The following PIK3C2A variants were observed in gnomAD, a reference collection of about 807,000 sequenced individuals.
The protein encoded by PIK3C2A is phosphatidylinositol-4-phosphate 3-kinase catalytic subunit type 2 alpha, also known as phosphatidylinositol 4-phosphate 3-kinase C2 domain-containing subunit alpha.
PIK3C2A carries 97 observed loss-of-function variants against 204.5 expected under a neutral mutation model. The observed-to-expected ratio is 0.47, with a 90% CI of 0.40 to 0.56. The LOEUF is 0.56. PIK3C2A is among the 20% of genes least tolerant of loss of function. PIK3C2A has a pLI of 0.00. For missense variants in PIK3C2A, 1,735 were observed against 1,969.2 expected (o/e 0.88, Z 2.25); for synonymous variants, 653 against 664.4 (o/e 0.98, Z 0.26).
chr11:17,127,757 T>G (rs533162339), intron 13 of PIK3C2A, among the ~76,000 whole-genome samples: 1 of 152,308 alleles, frequency 6.6e-6, no homozygotes, highest in East Asian at 1.9e-4. Context: ...AGTATTAGAT[T>G]AGCAGAAATT....
At chr11:17,140,791 A>G (rs1045712268) in intron 8 of PIK3C2A, among the ~76,000 whole-genome samples, 1 of 152,226 alleles carries the variant, frequency 6.6e-6, no homozygotes, top group African/African-American at 2.4e-5. Context: ...TATAATGGGT[A>G]CATTTTATGA....
intron 13 of PIK3C2A, among the ~76,000 whole-genome samples, chr11:17,124,052 T>G (rs1304742497): frequency 6.6e-6 from 1 of 151,972 alleles, no homozygotes; most frequent in Non-Finnish European, 1.5e-5. Context: ...TATATATATA[T>G]GGGGATGGGC....
chr11:17,088,110 G>C lies in PIK3C2A; in HGVS notation c.*1628C>G, dbSNP rs1848200786. On this transcript the variant is annotated 3_prime_UTR_variant, in exon 33 of 33. Coordinates refer to ENST00000691414, the MANE Select transcript of PIK3C2A (RefSeq NM_002645.4). ...TTTGTCAGTTTTCTCACAGCAACCT[G>C]ATTGGTACAATTTCTATTACCATTT... 1.3e-5 allele frequency: 2 copies of C among 152,188 alleles called. No individual in the cohort carries two copies. Among genetic ancestry groups the C allele is most frequent in the South Asian group, 4.1e-4 (2 of 4,824 alleles). 9.4% of individuals were successfully genotyped at this position (152,188 alleles called of 1,614,324 possible). A position where few individuals can be genotyped will look rare whatever the true frequency, so the allele number is the denominator to read the frequency against.
intron 1 of PIK3C2A, among the ~76,000 whole-genome samples, chr11:17,180,397 A>G (rs1202914029): frequency 2.0e-5 from 3 of 152,046 alleles, no homozygotes; most frequent in Non-Finnish European, 4.4e-5. Flanking sequence ...CAATAGAACC[A>G]TAAAAATGTC....
At position 17,086,710 on chromosome 11, in the gene PIK3C2A, T is replaced by C. The variant is rs940166952; in HGVS notation, c.*3028A>G. The C allele has an allele frequency of 3.9e-5, 6 of 152,230 alleles. No individual in the cohort carries two copies. The highest frequency in any genetic ancestry group is 1.4e-4 in the African/African-American group (6 of 41,466). 9.4% of individuals were successfully genotyped at this position (152,230 alleles called of 1,614,324 possible). A position where few individuals can be genotyped will look rare whatever the true frequency, so the allele number is the denominator to read the frequency against. ...TCTTAATATAATTAAAGTATTTGGTTCTTATAGGTAAGATTAATTACCATA... is the reference window on the plus strand; with the variant it reads ...TCTTAATATAATTAAAGTATTTGGTCCTTATAGGTAAGATTAATTACCATA... On this transcript the variant is annotated 3_prime_UTR_variant, in exon 33 of 33. Transcript: ENST00000691414.
At chr11:17,140,823 A>C (rs1049254418) in intron 8 of PIK3C2A, among the ~76,000 whole-genome samples, 2 of 152,344 alleles carry the variant, frequency 1.3e-5, no homozygotes, top group South Asian at 2.1e-4. Context: ...TACCTCAATA[A>C]AGCTATAAAA....
chr11:17,123,504 C>T (rs1565257663), intron 13 of PIK3C2A, among the ~76,000 whole-genome samples: 1 of 149,620 alleles, frequency 6.7e-6, no homozygotes, highest in Non-Finnish European at 1.5e-5. Context: ...ATATGATCTG[C>T]CTGTCTCAGC....
At chr11:17,163,183 G>A (rs1850838302) in intron 2 of PIK3C2A, among the ~76,000 whole-genome samples, 1 of 152,094 alleles carries the variant, frequency 6.6e-6, no homozygotes, top group Non-Finnish European at 1.5e-5. Flanking sequence ...GCATGCACCT[G>A]TAGTCCCAGC....
intron 13 of PIK3C2A, among the ~76,000 whole-genome samples, chr11:17,128,808 C>T (rs1217042988): frequency 2.0e-5 from 3 of 152,092 alleles, no homozygotes; most frequent in Non-Finnish European, 4.4e-5. Context: ...TAGGGTTTTG[C>T]ATACTTGTGG....
chr11:17,177,025 T>C (rs1027017063), intron 1 of PIK3C2A, among the ~76,000 whole-genome samples: 1 of 152,140 alleles, frequency 6.6e-6, no homozygotes, highest in Non-Finnish European at 1.5e-5. Flanking sequence ...GCATACAAGT[T>C]ATGTAATCTG....
chr11:17,128,349 C>T (rs1849590673), intron 13 of PIK3C2A, among the ~76,000 whole-genome samples: 1 of 150,960 alleles, frequency 6.6e-6, no homozygotes, highest in Non-Finnish European at 1.5e-5. Context: ...ATTCTCATGC[C>T]TCAGCCTACA....
At position 17,154,985 on chromosome 11, in the gene PIK3C2A, T is replaced by C. The variant is rs533642262; in HGVS notation, c.1169+541A>G. ...AGCAAAAGAGAGTTGGTTCTACTAC[T>C]GATATTACTGACTAGCCAAGTAAAG... On this transcript the variant is annotated intron_variant, in intron 3 of 32. Transcript: ENST00000691414. 7.9e-5 allele frequency among the ~76,000 whole-genome samples: 12 copies of C among 152,336 alleles called. No homozygotes were observed. The East Asian group carries it at 2.3e-3, about 29-fold the overall frequency.
At position 17,129,349 on chromosome 11, in the gene PIK3C2A, C is replaced by T; in HGVS notation, c.2350G>A (p.Gly784Arg). ...SSPDSNKQRK[G>R]PEALGKVSLP... ...GAAACTTTGCCCAAAGCTTCTGGTC[C>T]CTTTCTCTGCTTATTAGAATCAGGG... The change falls in exon 13 of 33, where the codon GGA becomes AGA. Residue 784 changes from glycine (G) to arginine (R), a missense_variant. By Grantham distance (125) the Gly-to-Arg change is moderately radical. Transcript: ENST00000691414. 1.2e-6 allele frequency: 2 copies of T among 1,613,800 alleles called. No homozygotes were observed. Among genetic ancestry groups the T allele is most frequent in the Non-Finnish European group, 1.7e-6 (2 of 1,179,780 alleles).
intron 1 of PIK3C2A, among the ~76,000 whole-genome samples, chr11:17,177,748 A>G (rs1344273666): frequency 6.6e-6 from 1 of 152,202 alleles, no homozygotes; most frequent in African/African-American, 2.4e-5. Flanking sequence ...ACAAAAATAA[A>G]AGAATGTCCA....
At chr11:17,164,089 T>A (rs1171853149) in intron 2 of PIK3C2A, among the ~76,000 whole-genome samples, 1 of 152,090 alleles carries the variant, frequency 6.6e-6, no homozygotes, top group Non-Finnish European at 1.5e-5. Flanking sequence ...GTTCCTCAAA[T>A]GGCATACGTT....
intron 13 of PIK3C2A, 100 bp from the exon 14 acceptor site, chr11:17,122,913 TA>T: frequency 1.7e-6 from 1 of 598,612 alleles, no homozygotes; most frequent in Non-Finnish European, 2.9e-6. Flanking sequence ...TGAGATCAAC[TA>T]AATAAAAAGG....
At chr11:17,159,223 T>C (rs1394501804) in intron 2 of PIK3C2A, among the ~76,000 whole-genome samples, 1 of 152,244 alleles carries the variant, frequency 6.6e-6, no homozygotes, top group African/African-American at 2.4e-5. Context: ...ATTCACATCT[T>C]GTCTCCCCTT....
Position 17,147,638 on chromosome 11 carries a change from T to C in PIK3C2A, c.1449-10A>G, listed in dbSNP as rs775439898. On this transcript the variant is annotated splice_polypyrimidine_tract_variant and intron_variant, in intron 5 of 32. Coordinates refer to ENST00000691414, the MANE Select transcript of PIK3C2A (RefSeq NM_002645.4). ...TCCAAGGCAATGATTACTGTTAAGA[T>C]ATATTAATTATTCACTATTCTATTC... 2.3e-5 allele frequency: 31 copies of C among 1,356,498 alleles called. No individual in the cohort carries two copies. Among genetic ancestry groups the C allele is most frequent in the Non-Finnish European group, 3.2e-5 (30 of 948,170 alleles). 84.0% of individuals were successfully genotyped at this position (1,356,498 alleles called of 1,614,324 possible). A position where few individuals can be genotyped will look rare whatever the true frequency, so the allele number is the denominator to read the frequency against.
intron 16 of PIK3C2A, 83 bp downstream of exon 16, chr11:17,119,703 A>G: frequency 1.3e-6 from 1 of 793,026 alleles, no homozygotes. Flanking sequence ...TTTCATGTTA[A>G]AAGGAAAGGA....
Sources: gnomAD v4.1 joint callset for allele counts (sites outside exome capture counted in the v4.1 genomes callset) on GRCh38, gnomAD v4.1.1 for gene constraint, MANE v1.5 for transcripts, NCBI Gene and HGNC (gene_info 2026-07-23, HGNC 2026-07-21) for gene names.